ADAMTS3: variants seen among roughly 807,000 people sequenced by gnomAD.
The protein encoded by ADAMTS3 is A disintegrin and metalloproteinase with thrombospondin motifs 3.
Under a neutral mutation model 129.0 loss-of-function variants are expected in ADAMTS3, and 73 were observed. The ratio of observed to expected loss-of-function variants is 0.57; its 90% CI spans 0.47 to 0.69. The LOEUF is 0.69. Ranked by LOEUF, ADAMTS3 falls within the 30% of genes least tolerant of loss-of-function variation. ADAMTS3 has a pLI of 0.00. For missense variants in ADAMTS3, 1,457 were observed against 1,514.5 expected, an observed-to-expected ratio of 0.96 and a Z score of 0.63; for synonymous variants, 477 against 510.8, an observed-to-expected ratio of 0.93 and a Z score of 0.89.
intron 3 of ADAMTS3, among the ~76,000 whole-genome samples, chr4:72,537,799 A>T (rs1721219487): frequency 6.6e-6 from 1 of 152,222 alleles, no homozygotes; most frequent in Non-Finnish European, 1.5e-5. Flanking sequence ...CGGTTCCTAA[A>T]CAAGACCTAG....
At chr4:72,303,354 C>T (rs567977723) in intron 17 of ADAMTS3, among the ~76,000 whole-genome samples, 8 of 151,974 alleles carry the variant, frequency 5.3e-5, no homozygotes, top group South Asian at 2.1e-4. Context: ...CCTTGGAACT[C>T]GCTGCAAGAT....
chr4:72,505,103 GA>G (rs1720123609), intron 3 of ADAMTS3, among the ~76,000 whole-genome samples: 1 of 152,160 alleles, frequency 6.6e-6, no homozygotes. Context: ...GAGAGTTAGT[GA>G]GACCCTTTGG....
At chr4:72,462,666 TA>T (rs1718802828) in intron 3 of ADAMTS3, among the ~76,000 whole-genome samples, 1 of 151,974 alleles carries the variant, frequency 6.6e-6, no homozygotes, top group African/African-American at 2.4e-5. Flanking sequence ...AGTCTGAGTC[TA>T]ATGTGTATGT....
chr4:72,566,624 G>A (rs956194692), intron 2 of ADAMTS3, among the ~76,000 whole-genome samples: 3 of 152,216 alleles, frequency 2.0e-5, no homozygotes, highest in African/African-American at 4.8e-5. Flanking sequence ...AGTAAAATGT[G>A]TATGAAAAGA....
chr4:72,487,104 C>A (rs1719610571), intron 3 of ADAMTS3, among the ~76,000 whole-genome samples: 1 of 151,996 alleles, frequency 6.6e-6, no homozygotes, highest in African/African-American at 2.4e-5. Flanking sequence ...GCATAGTGAC[C>A]ACTGTATGCC....
chr4:72,383,336 G>A (rs1221663899), intron 4 of ADAMTS3, among the ~76,000 whole-genome samples: 1 of 152,196 alleles, frequency 6.6e-6, no homozygotes, highest in Admixed American at 6.5e-5. Flanking sequence ...AGAATGAAAC[G>A]ACACATGGGT....
intron 3 of ADAMTS3, among the ~76,000 whole-genome samples, chr4:72,438,511 A>G (rs1377056709): frequency 6.6e-6 from 1 of 151,692 alleles, no homozygotes; most frequent in Non-Finnish European, 1.5e-5. Flanking sequence ...ATTGTTTTAC[A>G]TTTTTATAAA....
At chr4:72,393,336 C>T (rs1375018142) in intron 4 of ADAMTS3, among the ~76,000 whole-genome samples, 2 of 152,148 alleles carry the variant, frequency 1.3e-5, no homozygotes, top group African/African-American at 4.8e-5. Context: ...AGACTTGGAA[C>T]CAGAATAGAT....
intron 13 of ADAMTS3, 166 bp downstream of exon 13, chr4:72,312,125 G>T: frequency 1.6e-6 from 1 of 638,028 alleles, no homozygotes; most frequent in Non-Finnish European, 2.7e-6. Context: ...TTTAGAGAAA[G>T]GGTATTTAAG....
chr4:72,489,054 T>G (rs1199149453), intron 3 of ADAMTS3, among the ~76,000 whole-genome samples: 2 of 152,006 alleles, frequency 1.3e-5, no homozygotes, highest in African/African-American at 4.8e-5. Flanking sequence ...GTCTGGCCTA[T>G]TTCACTTAGC....
intron 3 of ADAMTS3, among the ~76,000 whole-genome samples, chr4:72,541,833 T>TAACC (rs1560559634): frequency 4.6e-5 from 7 of 152,188 alleles, no homozygotes; most frequent in Non-Finnish European, 8.8e-5. Context: ...TCCATTAGTT[T>TAACC]TCTTTTTCTT....
intron 3 of ADAMTS3, among the ~76,000 whole-genome samples, chr4:72,485,372 T>A (rs1719558656): frequency 6.6e-6 from 1 of 152,180 alleles, no homozygotes; most frequent in Admixed American, 6.5e-5. Context: ...AGTAATGATT[T>A]TAGAAGTGAT....
At chr4:72,292,848 A>C (rs993850590) in intron 19 of ADAMTS3, among the ~76,000 whole-genome samples, 4 of 152,156 alleles carry the variant, frequency 2.6e-5, no homozygotes, top group African/African-American at 4.8e-5. Flanking sequence ...AGCTTGTCAA[A>C]CTGGTGGTAA....
At chr4:72,319,704 G>A (rs1006127704) in intron 8 of ADAMTS3, among the ~76,000 whole-genome samples, 154 bp downstream of exon 8, 3 of 152,228 alleles carry the variant, frequency 2.0e-5, no homozygotes, top group Non-Finnish European at 4.4e-5. Flanking sequence ...TTTAGTTTCC[G>A]TGCATGACCT....
intron 3 of ADAMTS3, among the ~76,000 whole-genome samples, chr4:72,419,908 C>T (rs967868707): frequency 2.6e-5 from 4 of 152,028 alleles, no homozygotes; most frequent in African/African-American, 7.2e-5. Flanking sequence ...GAATGTTGAT[C>T]GGATGGACTA....
At chr4:72,304,134 G>A in intron 16 of ADAMTS3, 54 bp from the exon 17 acceptor site, 3 of 1,537,386 alleles carry the variant, frequency 2.0e-6, no homozygotes, top group Non-Finnish European at 1.8e-6. Flanking sequence ...CATATTAAGT[G>A]CTGAAGATTC....
At chr4:72,533,852 A>G (rs1219775529) in intron 3 of ADAMTS3, among the ~76,000 whole-genome samples, 6 of 152,180 alleles carry the variant, frequency 3.9e-5, no homozygotes, top group Non-Finnish European at 4.4e-5. Context: ...AAGTAGAAAA[A>G]GTGCTATTAT....
At chr4:72,544,275 CTTT>C (rs894027368) in intron 3 of ADAMTS3, among the ~76,000 whole-genome samples, 1 of 152,054 alleles carries the variant, frequency 6.6e-6, no homozygotes, top group African/African-American at 2.4e-5. Context: ...TTTTCAACCC[CTTT>C]TTTTCTTTGC....
intron 18 of ADAMTS3, 154 bp downstream of exon 18, chr4:72,298,123 A>G (rs1718853594): frequency 1.7e-6 from 1 of 572,512 alleles, no homozygotes; most frequent in Non-Finnish European, 3.0e-6. Context: ...GGTGATTCTG[A>G]GATTTCAGTA....
Sources: allele counts gnomAD v4.1 joint callset (sites outside exome capture counted in the v4.1 genomes callset), GRCh38; gene constraint gnomAD v4.1.1; transcripts MANE v1.5; gene names NCBI Gene and HGNC (gene_info 2026-07-23, HGNC 2026-07-21).